ZNF816: variants seen among roughly 807,000 people sequenced by gnomAD.
The protein encoded by ZNF816 is zinc finger protein 816A.
ZNF816 carries 11 observed loss-of-function variants against 8.3 expected under a neutral mutation model. The ratio of observed to expected loss-of-function variants is 1.32; its 90% CI spans 0.83 to 2.19. ZNF816 has a LOEUF of 2.19. Among genes scored for constraint, ZNF816 ranks in the 30% most tolerant of loss-of-function variants. The pLI is 0.00. For synonymous variants in ZNF816, 255 were observed against 254.5 expected, an observed-to-expected ratio of 1.00 and a Z score of -0.02; for missense variants, 710 against 779.3, an observed-to-expected ratio of 0.91 and a Z score of 1.06.
chr19:52,954,326 C>G (rs1320105100), intron 2 of ZNF816, among the ~76,000 whole-genome samples: 1 of 152,062 alleles, frequency 6.6e-6, no homozygotes, highest in Non-Finnish European at 1.5e-5. Context: ...TGCCACTGCA[C>G]TCCAGCCTGG....
chr19:52,961,443 G>A (rs1433672467), intron 1 of ZNF816, among the ~76,000 whole-genome samples: 1 of 152,154 alleles, frequency 6.6e-6, no homozygotes, highest in Non-Finnish European at 1.5e-5. Flanking sequence ...TTTGCCTGTT[G>A]CCCATGTGTT....
chr19:52,958,586 G>C lies in ZNF816; in HGVS notation c.-15-2482C>G, dbSNP rs528423838. 2.6e-5 allele frequency among the ~76,000 whole-genome samples: 4 copies of C among 152,268 alleles called. No homozygotes were observed. The South Asian group carries it at 6.2e-4, about 24-fold the overall frequency. ...TCTGTTAGGACACCCCATGGCAGTT[G>C]AGTGTGCCAAGGGAAAGGATGCCCT... On this transcript the variant is annotated intron_variant, in intron 1 of 3. Transcript: ENST00000444460.
chr19:52,958,536 C>A (rs1351322842), intron 1 of ZNF816, among the ~76,000 whole-genome samples: 1 of 152,156 alleles, frequency 6.6e-6, no homozygotes, highest in African/African-American at 2.4e-5. Flanking sequence ...CTAGGCTGCG[C>A]ATTGCTCCAG....
At chr19:52,953,734 A>AC (rs2083485753) in intron 2 of ZNF816, among the ~76,000 whole-genome samples, 1 of 122,690 alleles carries the variant, frequency 8.2e-6, no homozygotes, top group Non-Finnish European at 1.7e-5. Context: ...TATAATATAT[A>AC]TTTTATATAT....
intron 1 of ZNF816, among the ~76,000 whole-genome samples, chr19:52,956,838 A>G (rs1034626299): frequency 2.0e-5 from 3 of 152,246 alleles, no homozygotes; most frequent in African/African-American, 7.2e-5. Context: ...AGTAAGATAA[A>G]TAGCCAGACG....
chr19:52,959,660 A>G (rs1180385521), intron 1 of ZNF816, among the ~76,000 whole-genome samples: 3 of 152,104 alleles, frequency 2.0e-5, no homozygotes, highest in Non-Finnish European at 4.4e-5. Flanking sequence ...TGCCTTTTTA[A>G]CCCTTCAAGT....
chr19:52,950,274 T>G lies in ZNF816; in HGVS notation c.1501A>C (p.Arg501=), dbSNP rs757092285. Residue 501 remains arginine (R), a synonymous_variant, in exon 4 of 4, where the codon AGA becomes CGA. Transcript: ENST00000444460. ...TAAGGTTTCTCTCCAGCATGAAGTCTATGATGACGTGCAAGGTTTTCTCTT... is the reference window on the plus strand; with the variant it reads ...TAAGGTTTCTCTCCAGCATGAAGTCGATGATGACGTGCAAGGTTTTCTCTT... The part of the protein sequence containing the change: ...SRRENLARHH[R]LHAGEKPYKC... 1.9e-6 allele frequency: 3 copies of G among 1,613,790 alleles called. No homozygotes were observed. The South Asian group carries it at 3.3e-5, about 18-fold the overall frequency.
chr19:52,950,080 G>T lies in ZNF816; in HGVS notation c.1695C>A (p.Tyr565Ter). ...HTRVHTGEKPYKCNKCAKVFN... is the reference protein window; with the variant it reads ...HTRVHTGEKP ...AAACCTTCGCACATTTATTACACTTGTAAGGTTTCTCTCCAGTATGAACTC... is the reference window on the plus strand; with the variant it reads ...AAACCTTCGCACATTTATTACACTTTTAAGGTTTCTCTCCAGTATGAACTC... The change falls in exon 4 of 4, where the codon TAC becomes TAA. Residue 565 changes from tyrosine (Y) to a stop codon, truncating the protein, a stop_gained. Coordinates refer to ENST00000444460, the MANE Select transcript of ZNF816 (RefSeq NM_001202457.3). LOFTEE classifies it low-confidence loss of function (END_TRUNC). 1.9e-6 allele frequency: 3 copies of T among 1,614,094 alleles called. No individual in the cohort carries two copies. The highest frequency in any genetic ancestry group is 1.7e-6 in the Non-Finnish European group (2 of 1,179,982).
intron 2 of ZNF816, among the ~76,000 whole-genome samples, chr19:52,954,127 C>T (rs2083489592): frequency 6.6e-6 from 1 of 151,726 alleles, no homozygotes; most frequent in Admixed American, 6.6e-5. Flanking sequence ...AGTAGGTACA[C>T]CTGTAATCCC....
chr19:52,949,917 G>C lies in ZNF816; in HGVS notation c.1858C>G (p.Pro620Ala), dbSNP rs746955033. 3.7e-6 allele frequency: 6 copies of C among 1,613,788 alleles called. No homozygotes were observed. In the South Asian group the frequency reaches 6.6e-5, roughly 18 times the overall value. The change falls in exon 4 of 4, where the codon CCT (proline) becomes GCT (alanine). Residue 620 changes from proline to alanine, a missense_variant. Coordinates refer to ENST00000444460, the MANE Select transcript of ZNF816 (RefSeq NM_001202457.3). ...TTGCCACACTCATTACACTTGTAAG[G>C]TTTCTCTGCAGTATGAACTCTCTGA... ...KHQRVHTAEK[P>A]YKCNECGKAF...
At chr19:52,956,200 A>G (rs1364390647) in intron 1 of ZNF816, 96 bp from the exon 2 acceptor site, 41 of 1,388,618 alleles carry the variant, frequency 3.0e-5, no homozygotes, top group Non-Finnish European at 4.0e-5. Context: ...ACCCGAGAGA[A>G]AGATGGTCCT....
intron 2 of ZNF816, among the ~76,000 whole-genome samples, chr19:52,953,653 A>G (rs956978310): frequency 5.0e-5 from 7 of 140,226 alleles, no homozygotes; most frequent in East Asian, 2.0e-4. Context: ...AATATATATT[A>G]CAATATTGTA....
Position 52,949,462 on chromosome 19 carries a change from CCA to C in ZNF816, c.*355_*356del, listed in dbSNP as rs1054326113. ...TTTTCTGATGTTCTGCATGGAATGACCACAGAGTGAAGACCTTGCCACCCTTA... is the reference window on the plus strand; with the variant it reads ...TTTTCTGATGTTCTGCATGGAATGACCAGAGTGAAGACCTTGCCACCCTTA... On this transcript the variant is annotated 3_prime_UTR_variant, in exon 4 of 4. Coordinates refer to ENST00000444460, the MANE Select transcript of ZNF816 (RefSeq NM_001202457.3). 4.6e-5 allele frequency: 19 copies of C among 416,268 alleles called. No homozygotes were observed. Among genetic ancestry groups the C allele is most frequent in the African/African-American group, 3.6e-4 (18 of 49,436 alleles). 25.8% of individuals were successfully genotyped at this position (416,268 alleles called of 1,614,324 possible). A position where few individuals can be genotyped will look rare whatever the true frequency, so the allele number is the denominator to read the frequency against.
intron 2 of ZNF816, among the ~76,000 whole-genome samples, chr19:52,954,550 G>C (rs2083492979): frequency 2.6e-5 from 4 of 151,382 alleles, no homozygotes; most frequent in Admixed American, 2.6e-4. Context: ...ATCAGACCGG[G>C]AGCAGGGCTC....
intron 1 of ZNF816, among the ~76,000 whole-genome samples, chr19:52,958,598 G>A (rs1019231794): frequency 5.3e-5 from 8 of 152,126 alleles, no homozygotes; most frequent in African/African-American, 1.9e-4. Flanking sequence ...GTGTGCCAAG[G>A]GAAAGGATGC....
At position 52,950,553 on chromosome 19, in the gene ZNF816, G is replaced by A. The variant is rs540708659; in HGVS notation, c.1222C>T (p.Arg408Cys). 22 of 1,613,638 alleles carry A rather than the reference G, an allele frequency of 1.4e-5. No individual in the cohort carries two copies. Among genetic ancestry groups the A allele is most frequent in the African/African-American group, 5.3e-5 (4 of 74,930 alleles). The part of the protein sequence containing the change: ...KCEECDNVYI[R>C]RSHLERHRKI... ...CTATGTCTTTCAAGGTGTGATCTGC[G>A]AATGTAAACATTGTCACATTCTTCA... The change falls in exon 4 of 4, where the codon CGC becomes TGC. Residue 408 changes from arginine to cysteine, a missense_variant. Physicochemically the swap from Arg to Cys is radical, Grantham distance 180. Transcript: ENST00000444460.
At chr19:52,961,149 C>G (rs898617589) in intron 1 of ZNF816, among the ~76,000 whole-genome samples, 1 of 152,154 alleles carries the variant, frequency 6.6e-6, no homozygotes, top group Admixed American at 6.6e-5. Context: ...ATACAAGGTA[C>G]GTAGCCCAGG....
In ZNF816 at chr19:52,951,464, G is replaced by A. The variant is rs1180560231; in HGVS notation, c.311C>T (p.Pro104Leu). Reference protein sequence around the residue: ...KSHHIGDFCFPEMKKDIHHFE... With the variant: ...KSHHIGDFCFLEMKKDIHHFE... ...GTGATGAATATCTTTCTTCATTTCT[G>A]GGAAGCAAAAATCTCCAATGTGATG... Residue 104 changes from proline (P) to leucine (L), a missense_variant, in exon 4 of 4, where the codon CCA (proline) becomes CTA (leucine). Pro to Leu is a moderately conservative substitution (Grantham distance 98). Transcript: ENST00000444460. 6.2e-7 allele frequency: 1 copy of A among 1,613,846 alleles called. No homozygotes were observed. The highest frequency in any genetic ancestry group is 2.2e-5 in the East Asian group (1 of 44,874).
chr19:52,957,917 A>T lies in ZNF816; in HGVS notation c.-15-1813T>A, dbSNP rs192162626. ...TACAGTCCCCCAGGAAGAGGAATGGAGACTTCTTTTAACTGAGCCAGGCCA... is the reference window on the plus strand; with the variant it reads ...TACAGTCCCCCAGGAAGAGGAATGGTGACTTCTTTTAACTGAGCCAGGCCA... On this transcript the variant is annotated intron_variant, in intron 1 of 3. Transcript: ENST00000444460. The surrounding 1 kb of genome is among the most constrained non-coding windows in gnomAD (Gnocchi z 4.6). Among the ~76,000 whole-genome samples the T allele has an allele frequency of 1.1e-3, 170 of 152,230 alleles. 1 individual carries two copies. The highest frequency in any genetic ancestry group is 0.01 in the Middle Eastern group (3 of 294).
Sources: gnomAD v4.1 joint callset for allele counts (sites outside exome capture counted in the v4.1 genomes callset) on GRCh38, gnomAD v4.1.1 for gene constraint, Gnocchi (gnomAD v3.1) non-coding constraint, MANE v1.5 for transcripts, NCBI Gene and HGNC (gene_info 2026-07-23, HGNC 2026-07-21) for gene names.